APP: variants seen among roughly 807,000 people sequenced by gnomAD.
APP encodes amyloid beta precursor protein.
Under a neutral mutation model 101.4 loss-of-function variants are expected in APP, and 31 were observed. The ratio of observed to expected loss-of-function variants is 0.31; its 90% confidence interval spans 0.23 to 0.41. APP has a LOEUF of 0.41. Ranked by LOEUF, APP falls within the 10% of genes least tolerant of loss-of-function variation. APP has a pLI of 1.00. For synonymous variants in APP, 366 were observed against 364.4 expected (o/e 1.00, Z -0.05); for missense variants, 839 against 1,003.7 (o/e 0.84, Z 2.22).
At chr21:25,932,795 C>T (rs867138976) in intron 13 of APP, among the ~76,000 whole-genome samples, 5 of 151,302 alleles carry the variant, frequency 3.3e-5, no homozygotes, top group Middle Eastern at 3.5e-3. Context: ...ATTGACTTGG[C>T]CCCAAACATT....
At chr21:26,149,764 T>G (rs1295717935) in intron 1 of APP, among the ~76,000 whole-genome samples, 3 of 152,206 alleles carry the variant, frequency 2.0e-5, no homozygotes, top group African/African-American at 7.2e-5. Context: ...GGGAGTAAAC[T>G]GAGTATGGAA....
At chr21:26,000,945 T>C (rs2043267196) in intron 6 of APP, among the ~76,000 whole-genome samples, 1 of 151,780 alleles carries the variant, frequency 6.6e-6, no homozygotes, top group Admixed American at 6.6e-5. Context: ...TTAATTGATA[T>C]TTATATATTA....
intron 14 of APP, among the ~76,000 whole-genome samples, chr21:25,907,151 C>T (rs2038834421): frequency 6.6e-6 from 1 of 152,094 alleles, no homozygotes; most frequent in Non-Finnish European, 1.5e-5. Context: ...TCTTCTTCTT[C>T]TTCTATTTTT....
intron 3 of APP, among the ~76,000 whole-genome samples, chr21:26,065,007 C>T (rs2046404425): frequency 1.3e-5 from 2 of 152,218 alleles, no homozygotes; most frequent in Admixed American, 1.3e-4. Flanking sequence ...GCCTGCGCCA[C>T]CACGCCCAGC....
At chr21:25,950,757 T>C (rs927892219) in intron 13 of APP, among the ~76,000 whole-genome samples, 2 of 151,484 alleles carry the variant, frequency 1.3e-5, no homozygotes, top group Non-Finnish European at 2.9e-5. Flanking sequence ...TGGCTGGGAG[T>C]CTAATGACAC....
At chr21:25,969,979 AAGGC>A (rs796721775) in intron 11 of APP, among the ~76,000 whole-genome samples, 2,911 of 134,882 alleles carry the variant, frequency 0.022, 122 homozygotes, top group African/African-American at 0.09. Context: ...GGAAGGAAGG[AAGGC>A]AGGAGAGAAA....
At position 26,098,057 on chromosome 21, in the gene APP, G is replaced by C. The variant is rs938443866; in HGVS notation, c.226-7985C>G. Among the ~76,000 whole-genome samples, 211 of 135,612 alleles carry C rather than the reference G, an allele frequency of 1.6e-3. 1 individual carries two copies. The highest frequency in any genetic ancestry group is 2.7e-3 in the Non-Finnish European group (173 of 64,972). The allele number at this position is 135,612 out of a possible 152,430, so 89.0% of individuals were successfully genotyped here. The stretch of plus-strand genomic sequence containing the variant: ...ATCGCGCCACTGCACTCCAGCCTGC[G>C]AGGCAGAGCCAGACTCTGTCTCAGA... On this transcript the variant is annotated intron_variant, in intron 2 of 17. Transcript: ENST00000346798.
chr21:26,152,303 AAAAAT>A (rs1170566083), intron 1 of APP, among the ~76,000 whole-genome samples: 6 of 143,978 alleles, frequency 4.2e-5, no homozygotes, highest in African/African-American at 1.7e-4. Flanking sequence ...AAAAAAAAAA[AAAAAT>A]GGGCCAAGGA....
intron 8 of APP, 47 bp from the exon 9 acceptor site, chr21:25,982,524 A>T (rs1475431976): frequency 6.3e-7 from 1 of 1,590,592 alleles, no homozygotes; most frequent in Non-Finnish European, 8.6e-7. Flanking sequence ...AGCCAACAAC[A>T]ACAGAATAAT....
intron 3 of APP, among the ~76,000 whole-genome samples, chr21:26,073,563 A>T (rs1259749540): frequency 2.0e-5 from 3 of 152,262 alleles, no homozygotes; most frequent in Non-Finnish European, 4.4e-5. Context: ...ATATCTGTGA[A>T]GAGACAGAGC....
At chr21:26,116,276 T>C in intron 1 of APP, among the ~76,000 whole-genome samples, 1 of 152,200 alleles carries the variant, frequency 6.6e-6, no homozygotes, top group East Asian at 1.9e-4. Flanking sequence ...AATATTTTTG[T>C]TACCAGAAAA....
chr21:26,149,516 A>C (rs777466031), intron 1 of APP, among the ~76,000 whole-genome samples: 1 of 152,240 alleles, frequency 6.6e-6, no homozygotes, highest in African/African-American at 2.4e-5. Flanking sequence ...TAAATCACAA[A>C]CAATATGGCA....
chr21:26,019,915 T>G (rs538981623), intron 6 of APP, among the ~76,000 whole-genome samples: 74 of 152,312 alleles, frequency 4.9e-4, no homozygotes, highest in African/African-American at 1.7e-3. Context: ...GTCTCAGTAT[T>G]TGAAAAATGG....
At chr21:25,992,108 C>T (rs913895907) in intron 8 of APP, among the ~76,000 whole-genome samples, 3 of 152,134 alleles carry the variant, frequency 2.0e-5, no homozygotes, top group African/African-American at 4.8e-5. Flanking sequence ...ATAGGCCAAG[C>T]GTGGTGGCTC....
intron 17 of APP, among the ~76,000 whole-genome samples, chr21:25,889,579 G>T (rs1158097028): frequency 1.3e-5 from 2 of 152,206 alleles, no homozygotes; most frequent in Non-Finnish European, 2.9e-5. Flanking sequence ...GGTGGCTCAT[G>T]CCTGTAATCC....
chr21:25,971,649 T>C (rs1438692171), intron 11 of APP, among the ~76,000 whole-genome samples: 3 of 152,168 alleles, frequency 2.0e-5, no homozygotes, highest in South Asian at 2.1e-4. Flanking sequence ...GATGGGTACA[T>C]GCATGTGAAA....
At chr21:25,905,133 G>A in intron 14 of APP, 56 bp from the exon 15 acceptor site, 2 of 1,463,944 alleles carry the variant, frequency 1.4e-6, no homozygotes, top group South Asian at 1.1e-5. Context: ...AAGATGGTAA[G>A]TCGTGGCTCC....
At chr21:26,126,925 ATAAC>A (rs1031082869) in intron 1 of APP, among the ~76,000 whole-genome samples, 4 of 152,084 alleles carry the variant, frequency 2.6e-5, no homozygotes, top group African/African-American at 9.7e-5. Context: ...ATATAAAACA[ATAAC>A]TATGTAAACT....
intron 1 of APP, among the ~76,000 whole-genome samples, chr21:26,117,781 T>C (rs565038289): frequency 2.6e-5 from 4 of 152,342 alleles, no homozygotes; most frequent in South Asian, 2.1e-4. Context: ...TTTACCCTTG[T>C]GGAGAGTTGC....
Sources: allele counts gnomAD v4.1 joint callset (sites outside exome capture counted in the v4.1 genomes callset), GRCh38; gene constraint gnomAD v4.1.1; transcripts MANE v1.5; gene names NCBI Gene and HGNC (gene_info 2026-07-23, HGNC 2026-07-21).